CCDC91: variants seen among roughly 807,000 people sequenced by gnomAD.
CCDC91 encodes the protein coiled-coil domain containing 91.
In CCDC91, 48 loss-of-function variants were observed where a neutral mutation model predicts 63.2. That is an observed-to-expected ratio of 0.76 (90% CI 0.60 to 0.97). The LOEUF (loss-of-function observed/expected upper bound fraction) is 0.97. Among genes scored for constraint, CCDC91 ranks in the 50% least tolerant of loss-of-function variants. The pLI is 0.00. For synonymous variants in CCDC91, 167 were observed against 165.8 expected (o/e 1.01, Z -0.06); for missense variants, 500 against 494.6 (o/e 1.01, Z -0.10).
At chr12:28,206,863 G>A (rs562440402) in intron 1 of CCDC91, among the ~76,000 whole-genome samples, 98 of 152,230 alleles carry the variant, frequency 6.4e-4, no homozygotes, top group East Asian at 3.9e-4. Flanking sequence ...ATTCCAAACC[G>A]TGGAAAAAGG....
At chr12:28,321,972 A>G (rs776134833) in intron 6 of CCDC91, among the ~76,000 whole-genome samples, 4 of 151,732 alleles carry the variant, frequency 2.6e-5, no homozygotes, top group Non-Finnish European at 5.9e-5. Flanking sequence ...AGTGATATAC[A>G]TGTAGTGATG....
chr12:28,210,003 T>C (rs958134754), intron 1 of CCDC91, among the ~76,000 whole-genome samples: 3 of 152,216 alleles, frequency 2.0e-5, no homozygotes, highest in African/African-American at 7.2e-5. Flanking sequence ...CCGTAGACCA[T>C]CTACAACATG....
intron 12 of CCDC91, among the ~76,000 whole-genome samples, chr12:28,523,911 A>G (rs565608473): frequency 4.6e-5 from 7 of 152,120 alleles, no homozygotes; most frequent in African/African-American, 1.4e-4. Flanking sequence ...CCCCCACTCT[A>G]TTCTGGCTTG....
chr12:28,547,095 A>G (rs1156772991), intron 12 of CCDC91, among the ~76,000 whole-genome samples: 1 of 152,128 alleles, frequency 6.6e-6, no homozygotes, highest in African/African-American at 2.4e-5. Flanking sequence ...AAGAATTATA[A>G]GGATTATAAG....
At chr12:28,483,102 A>G (rs1951535805) in intron 11 of CCDC91, among the ~76,000 whole-genome samples, 1 of 152,016 alleles carries the variant, frequency 6.6e-6, no homozygotes, top group African/African-American at 2.4e-5. Flanking sequence ...TACAGTAAAT[A>G]GATTTGAAAT....
chr12:28,435,719 A>C (rs1005064933), intron 8 of CCDC91, among the ~76,000 whole-genome samples: 5 of 151,776 alleles, frequency 3.3e-5, no homozygotes, highest in African/African-American at 1.2e-4. Flanking sequence ...GAAGTTTCCA[A>C]CTATAATAGT....
chr12:28,504,408 C>A (rs554004077), intron 12 of CCDC91, among the ~76,000 whole-genome samples: 1 of 151,942 alleles, frequency 6.6e-6, no homozygotes, highest in East Asian at 2.0e-4. Context: ...TATACCAGGA[C>A]CCTGAAATGG....
chr12:28,274,769 C>G (rs1948074687), intron 3 of CCDC91, among the ~76,000 whole-genome samples: 1 of 152,100 alleles, frequency 6.6e-6, no homozygotes, highest in Non-Finnish European at 1.5e-5. Context: ...TGTAGGTATA[C>G]AATCATGTCA....
intron 12 of CCDC91, among the ~76,000 whole-genome samples, chr12:28,533,632 T>A (rs1941921049): frequency 6.6e-6 from 1 of 152,186 alleles, no homozygotes; most frequent in East Asian, 1.9e-4. Context: ...TTGTTGTACA[T>A]GTAATTTAAA....
chr12:28,378,636 T>C (rs770340106), intron 7 of CCDC91, among the ~76,000 whole-genome samples: 4 of 152,112 alleles, frequency 2.6e-5, no homozygotes, highest in Non-Finnish European at 4.4e-5. Context: ...ATTTTGTTAA[T>C]CCAAAGGTAT....
chr12:28,195,050 C>G (rs776203493), intron 1 of CCDC91, among the ~76,000 whole-genome samples: 1 of 152,166 alleles, frequency 6.6e-6, no homozygotes, highest in East Asian at 1.9e-4. Context: ...GCTGCTGGCT[C>G]GGGTGGCCTG....
chr12:28,443,168 G>T lies in CCDC91; in HGVS notation c.763-6993G>T, dbSNP rs1949320145. 3.4e-5 allele frequency among the ~76,000 whole-genome samples: 5 copies of T among 147,468 alleles called. No individual in the cohort carries two copies. The South Asian group carries it at 8.5e-4, about 25-fold the overall frequency. On this transcript the variant is annotated intron_variant, in intron 8 of 12. Coordinates refer to ENST00000536442, the MANE Select transcript of CCDC91 (RefSeq NM_018318.5). ...CCAGGTCTAGTTTAATGAATTATCT[G>T]TTATGATCTAGGTCTCTAATTCTTC...
intron 1 of CCDC91, among the ~76,000 whole-genome samples, chr12:28,196,401 A>G (rs1249241296): frequency 2.6e-5 from 4 of 152,216 alleles, no homozygotes; most frequent in Admixed American, 2.6e-4. Context: ...TGGTAGAGAC[A>G]GCTTTATTTC....
At chr12:28,477,705 T>A (rs1951186724) in intron 11 of CCDC91, among the ~76,000 whole-genome samples, 1 of 152,144 alleles carries the variant, frequency 6.6e-6, no homozygotes, top group African/African-American at 2.4e-5. Flanking sequence ...ATTGTATATC[T>A]AAAAAACCGC....
intron 12 of CCDC91, among the ~76,000 whole-genome samples, chr12:28,535,185 T>C (rs190790165): frequency 6.6e-6 from 1 of 152,198 alleles, no homozygotes; most frequent in African/African-American, 2.4e-5. Flanking sequence ...TCTTGGTATT[T>C]CCTGAATACT....
chr12:28,244,526 T>TTC (rs3064708), intron 1 of CCDC91, among the ~76,000 whole-genome samples: 52 of 111,288 alleles, frequency 4.7e-4, no homozygotes, highest in African/African-American at 1.5e-3. Context: ...TTTTTTTTTT[T>TTC]ACAGCTCTAC....
chr12:28,491,790 T>G (rs1479615620), intron 12 of CCDC91, among the ~76,000 whole-genome samples: 2 of 151,608 alleles, frequency 1.3e-5, no homozygotes, highest in Non-Finnish European at 2.9e-5. Context: ...TTGGGGGCAA[T>G]AGACATGGAG....
At chr12:28,392,674 C>G (rs1946024463) in intron 8 of CCDC91, among the ~76,000 whole-genome samples, 1 of 152,086 alleles carries the variant, frequency 6.6e-6, no homozygotes, top group Non-Finnish European at 1.5e-5. Context: ...TTTTGTTCAC[C>G]AAATAGTCAA....
intron 3 of CCDC91, among the ~76,000 whole-genome samples, chr12:28,301,279 G>C (rs888031192): frequency 6.6e-6 from 1 of 151,458 alleles, no homozygotes; most frequent in Non-Finnish European, 1.5e-5. Flanking sequence ...TAACTGAAAT[G>C]GGTGTTCAGT....
Sources: allele counts gnomAD v4.1 joint callset (sites outside exome capture counted in the v4.1 genomes callset), GRCh38; gene constraint gnomAD v4.1.1; transcripts MANE v1.5; gene names NCBI Gene and HGNC (gene_info 2026-07-23, HGNC 2026-07-21).